The following SERPINB2 variants were observed in gnomAD, a reference collection of about 807,000 sequenced individuals.
The protein encoded by SERPINB2 is plasminogen activator inhibitor 2.
In SERPINB2, 28 loss-of-function variants were observed where a neutral mutation model predicts 39.4. That is an observed-to-expected ratio of 0.71 (90% CI 0.53 to 0.97). The LOEUF (loss-of-function observed/expected upper bound fraction) is 0.97. SERPINB2 is among the 50% of genes least tolerant of loss of function. The probability of loss-of-function intolerance (pLI) is 0.00; values close to 1 mark genes in which losing one functional copy is unlikely to be tolerated. For missense variants in SERPINB2, 557 were observed against 505.3 expected (o/e 1.10, Z -0.98); for synonymous variants, 209 against 175.1 (o/e 1.19, Z -1.53).
Position 63,891,566 on chromosome 18 carries a change from T to C in SERPINB2, c.122T>C (p.Met41Thr). The change falls in exon 2 of 8, where the codon ATG becomes ACG. Residue 41 changes from methionine to threonine, a missense_variant. Physicochemically the swap from Met to Thr is moderately conservative, Grantham distance 81. Transcript: ENST00000299502. Reference protein sequence around the residue: ...SPWSISSTMAMVYMGSRGSTE... With the variant: ...SPWSISSTMATVYMGSRGSTE... The stretch of plus-strand genomic sequence containing the variant: ...TGGAGCATCTCGTCCACCATGGCCA[T>C]GGTCTACATGGGCTCCAGGGGCAGC... 2 of 1,614,138 alleles carry C rather than the reference T, an allele frequency of 1.2e-6. No homozygotes were observed. Among genetic ancestry groups the C allele is most frequent in the South Asian group, 1.1e-5 (1 of 91,070 alleles).
At chr18:63,898,049 G>C (rs2049971766) in intron 5 of SERPINB2, among the ~76,000 whole-genome samples, 1 of 152,130 alleles carries the variant, frequency 6.6e-6, no homozygotes, top group Non-Finnish European at 1.5e-5. Flanking sequence ...GAAGACATAT[G>C]TTTAGTACTT....
chr18:63,902,303 T>A, intron 6 of SERPINB2, 101 bp from the exon 7 acceptor site: 1 of 1,066,134 alleles, frequency 9.4e-7, no homozygotes, highest in South Asian at 2.1e-5. Flanking sequence ...AAAATCACAT[T>A]TATCCTACAC....
chr18:63,896,588 T>A (rs1165110961), intron 3 of SERPINB2, among the ~76,000 whole-genome samples: 1 of 152,212 alleles, frequency 6.6e-6, no homozygotes, highest in Non-Finnish European at 1.5e-5. Context: ...AATGAGCACA[T>A]CCATCACTAC....
At position 63,901,900 on chromosome 18, in the gene SERPINB2, A is replaced by G. The variant is rs1040290999; in HGVS notation, c.678+18A>G. 3 of 1,590,268 alleles carry G rather than the reference A, an allele frequency of 1.9e-6. No individual in the cohort carries two copies. The highest frequency in any genetic ancestry group is 3.8e-5 in the Admixed American group (2 of 52,916). On this transcript the variant is annotated intron_variant, in intron 6 of 7. Coordinates refer to ENST00000299502, the MANE Select transcript of SERPINB2 (RefSeq NM_002575.3). ...TAAACTCGGTATGAGACAACAAAAT[A>G]CATCTTCCTAGCATATATTTTAGGG...
At position 63,902,470 on chromosome 18, in the gene SERPINB2, C is replaced by A; in HGVS notation, c.745C>A (p.Leu249Ile). The change falls in exon 7 of 8, where the codon CTA (leucine) becomes ATA (isoleucine). Residue 249 changes from leucine to isoleucine, a missense_variant. Leu to Ile is a conservative substitution (Grantham distance 5, BLOSUM62 2). Coordinates refer to ENST00000299502, the MANE Select transcript of SERPINB2 (RefSeq NM_002575.3). ...EKLNIGYIED[L>I]KAQILELPYA... Reference sequence around the variant, plus strand: ...GCTAAACATTGGATACATAGAAGACCTAAAGGCTCAGATTCTAGAACTCCC... The same window carrying A: ...GCTAAACATTGGATACATAGAAGACATAAAGGCTCAGATTCTAGAACTCCC... 1 of 1,613,570 alleles carries A rather than the reference C, an allele frequency of 6.2e-7. No homozygotes were observed. Among genetic ancestry groups the A allele is most frequent in the Non-Finnish European group, 8.5e-7 (1 of 1,179,656 alleles).
intron 2 of SERPINB2, among the ~76,000 whole-genome samples, chr18:63,893,057 C>T (rs192282250): frequency 6.0e-4 from 91 of 152,102 alleles, no homozygotes; most frequent in African/African-American, 2.2e-3. Flanking sequence ...CTCAGCCTCC[C>T]GAGTAGCTGG....
intron 1 of SERPINB2, chr18:63,890,562 TG>T (rs1323725943): frequency 1.3e-5 from 2 of 152,248 alleles, no homozygotes; most frequent in African/African-American, 4.8e-5. Context: ...TTCAGTTGCC[TG>T]CAGAGCCTGA....
chr18:63,901,513 G>A (rs897132319), intron 5 of SERPINB2, among the ~76,000 whole-genome samples: 1 of 152,084 alleles, frequency 6.6e-6, no homozygotes, highest in Non-Finnish European at 1.5e-5. Context: ...TTGATAGGCG[G>A]TCTAAATTTT....
At chr18:63,896,105 A>G (rs750675012) in intron 3 of SERPINB2, among the ~76,000 whole-genome samples, 7 of 152,144 alleles carry the variant, frequency 4.6e-5, no homozygotes, top group Non-Finnish European at 1.0e-4. Flanking sequence ...GTAGATTATG[A>G]AGAGGTATCT....
chr18:63,901,646 TG>T lies in SERPINB2; in HGVS notation c.536-93del. 3 of 862,180 alleles carry T rather than the reference TG, an allele frequency of 3.5e-6. No individual in the cohort carries two copies. In the East Asian group the frequency reaches 9.0e-5, roughly 26 times the overall value. 53.4% of individuals were successfully genotyped at this position (862,180 alleles called of 1,614,324 possible). On this transcript the variant is annotated intron_variant, in intron 5 of 7. Coordinates refer to ENST00000299502, the MANE Select transcript of SERPINB2 (RefSeq NM_002575.3). ...CTTGAAGATTAACAACTCTGCAATT[TG>T]AAGAATTTAGTTTGATGGCTACTCA...
chr18:63,895,522 T>A, intron 3 of SERPINB2, 139 bp downstream of exon 3: 1 of 1,088,842 alleles, frequency 9.2e-7, no homozygotes, highest in Admixed American at 2.2e-5. Context: ...TCAGAGTCAT[T>A]AAGAAAAACA....
Position 63,891,536 on chromosome 18 carries a change from C to T in SERPINB2, c.92C>T (p.Ser31Phe). 6.2e-7 allele frequency: 1 copy of T among 1,614,182 alleles called. No homozygotes were observed. Among genetic ancestry groups the T allele is most frequent in the Non-Finnish European group, 8.5e-7 (1 of 1,180,020 alleles). Residue 31 changes from serine to phenylalanine, a missense_variant, in exon 2 of 8, where the codon TCC becomes TTC. Ser to Phe is a radical substitution (Grantham distance 155). Coordinates refer to ENST00000299502, the MANE Select transcript of SERPINB2 (RefSeq NM_002575.3). ...KASPTQNLFL[S>F]PWSISSTMAM... is the part of the protein sequence containing the mutation. ...AGCCCCACCCAGAACCTCTTCCTCT[C>T]CCCATGGAGCATCTCGTCCACCATG...
In SERPINB2 at chr18:63,901,748, C is replaced by T. The variant is rs2144706704; in HGVS notation, c.544C>T (p.Pro182Ser). 6.5e-7 allele frequency: 1 copy of T among 1,544,644 alleles called. No individual in the cohort carries two copies. Among genetic ancestry groups the T allele is most frequent in the Non-Finnish European group, 8.6e-7 (1 of 1,156,896 alleles). ...TGTTATGTTTTCTGTAGGCAAAATC[C>T]CAAACTTGTTACCTGAAGGTTCTGT... ...WVKTQTKGKI[P>S]NLLPEGSVDG... is the part of the protein sequence containing the mutation. Residue 182 changes from proline (P) to serine (S), a missense_variant, in exon 6 of 8, where the codon CCA (proline) becomes TCA (serine). By Grantham distance (74) the Pro-to-Ser change is moderately conservative. Transcript: ENST00000299502.
intron 1 of SERPINB2, among the ~76,000 whole-genome samples, chr18:63,890,319 G>C (rs2049917696): frequency 6.6e-6 from 1 of 152,196 alleles, no homozygotes; most frequent in Non-Finnish European, 1.5e-5. Flanking sequence ...GCCAAGACCA[G>C]AGCCAGAGGA....
chr18:63,898,331 C>T (rs1332633256), intron 5 of SERPINB2, among the ~76,000 whole-genome samples: 1 of 152,184 alleles, frequency 6.6e-6, no homozygotes, highest in Non-Finnish European at 1.5e-5. Flanking sequence ...TCTGCTTCAT[C>T]CCTCCTTGAT....
At chr18:63,896,006 T>C (rs150715873) in intron 3 of SERPINB2, among the ~76,000 whole-genome samples, 1 of 152,362 alleles carries the variant, frequency 6.6e-6, no homozygotes, top group East Asian at 1.9e-4. Flanking sequence ...GTACTCCATT[T>C]CCTTAAATGT....
chr18:63,895,661 T>A (rs2049954981), intron 3 of SERPINB2, among the ~76,000 whole-genome samples: 1 of 152,214 alleles, frequency 6.6e-6, no homozygotes, highest in South Asian at 2.1e-4. Context: ...ATGTGTAATT[T>A]ATCATAAATC....
intron 2 of SERPINB2, among the ~76,000 whole-genome samples, chr18:63,892,191 A>G (rs1331300139): frequency 6.6e-6 from 1 of 152,110 alleles, no homozygotes; most frequent in Non-Finnish European, 1.5e-5. Flanking sequence ...GCAGAAGATC[A>G]TGCCTGTGAG....
Position 63,895,271 on chromosome 18 carries a change from A to C in SERPINB2, c.176A>C (p.Gln59Pro), listed in dbSNP as rs755611573. Residue 59 changes from glutamine (Q) to proline (P), a missense_variant, in exon 3 of 8, where the codon CAG (glutamine) becomes CCG (proline). Gln to Pro is a moderately conservative substitution (Grantham distance 76). Transcript: ENST00000299502. ...CTCTAATTCTGATTGCAGGTGCTTCAGTTTAATGAAGTGGGAGCCAATGCA... is the reference window on the plus strand; with the variant it reads ...CTCTAATTCTGATTGCAGGTGCTTCCGTTTAATGAAGTGGGAGCCAATGCA... ...STEDQMAKVL[Q>P]FNEVGANAVT... The C allele has an allele frequency of 6.2e-7, 1 of 1,613,474 alleles. No individual in the cohort carries two copies.
Sources: gnomAD v4.1 joint callset for allele counts (sites outside exome capture counted in the v4.1 genomes callset) on GRCh38, gnomAD v4.1.1 for gene constraint, MANE v1.5 for transcripts, NCBI Gene and HGNC (gene_info 2026-07-23, HGNC 2026-07-21) for gene names.